The following UNC5D variants were observed in gnomAD, a reference collection of about 807,000 sequenced individuals.
UNC5D encodes netrin receptor UNC5D.
In UNC5D, 39 loss-of-function variants were observed where a neutral mutation model predicts 105.4. The observed-to-expected ratio is 0.37, with a 90% confidence interval of 0.29 to 0.48. The LOEUF is 0.48. Ranked by LOEUF, UNC5D falls within the 20% of genes least tolerant of loss-of-function variation. UNC5D has a pLI of 0.98. For synonymous variants in UNC5D, 452 were observed against 450.4 expected (o/e 1.00, Z -0.04); for missense variants, 991 against 1,202.4 (o/e 0.82, Z 2.60).
intron 1 of UNC5D, among the ~76,000 whole-genome samples, chr8:35,474,946 G>A (rs114716058): frequency 0.017 from 2,554 of 152,236 alleles, 73 homozygotes; most frequent in African/African-American, 0.058. Context: ...GTAGGTGAGT[G>A]AGGTCATTCA....
chr8:35,360,375 C>T (rs1801795460), intron 1 of UNC5D, among the ~76,000 whole-genome samples: 1 of 152,122 alleles, frequency 6.6e-6, no homozygotes, highest in Admixed American at 6.6e-5. Context: ...TCTCTCTATC[C>T]TAAATTTTGT....
chr8:35,393,743 C>CT (rs1030372637), intron 1 of UNC5D, among the ~76,000 whole-genome samples: 17 of 152,254 alleles, frequency 1.1e-4, no homozygotes, highest in Admixed American at 7.2e-4. Flanking sequence ...TCAGAGGAAA[C>CT]TCCCTCCTCC....
intron 1 of UNC5D, among the ~76,000 whole-genome samples, chr8:35,357,737 A>G (rs1391703949): frequency 6.6e-6 from 1 of 152,138 alleles, no homozygotes; most frequent in Non-Finnish European, 1.5e-5. Context: ...ATGAAGAATC[A>G]GTTGTGGGAA....
chr8:35,457,885 A>G (rs1277243617), intron 1 of UNC5D, among the ~76,000 whole-genome samples: 3 of 152,202 alleles, frequency 2.0e-5, no homozygotes, highest in Admixed American at 2.0e-4. Context: ...TTATTAAAAT[A>G]GCACAGTGGT....
Position 35,579,329 on chromosome 8 carries a change from T to G in UNC5D, c.466+11088T>G, listed in dbSNP as rs563268401. ...AACTAAGGTGTAACAGTATCAGGCA[T>G]CCATGGGTAATTATCTAGCATGTTC... is the stretch of plus-strand genomic sequence containing the variant. On this transcript the variant is annotated intron_variant, in intron 3 of 16. Coordinates refer to ENST00000404895, the MANE Select transcript of UNC5D (RefSeq NM_080872.4). 2.0e-5 allele frequency among the ~76,000 whole-genome samples: 3 copies of G among 152,286 alleles called. No individual in the cohort carries two copies. The South Asian group carries it at 6.2e-4, about 32-fold the overall frequency.
chr8:35,687,298 C>T (rs1826074262), intron 7 of UNC5D, among the ~76,000 whole-genome samples: 1 of 151,938 alleles, frequency 6.6e-6, no homozygotes, highest in East Asian at 1.9e-4. Flanking sequence ...AAAAATTAGC[C>T]AGGCGTGGTG....
chr8:35,742,189 T>C (rs1315008453), intron 11 of UNC5D, among the ~76,000 whole-genome samples: 1 of 151,694 alleles, frequency 6.6e-6, no homozygotes, highest in Non-Finnish European at 1.5e-5. Flanking sequence ...GATGATGTCA[T>C]GTCCCTGGGA....
At chr8:35,391,430 T>C (rs1419346049) in intron 1 of UNC5D, among the ~76,000 whole-genome samples, 1 of 152,190 alleles carries the variant, frequency 6.6e-6, no homozygotes, top group African/African-American at 2.4e-5. Flanking sequence ...CAAAAGGGTA[T>C]TCAATTAATG....
intron 8 of UNC5D, among the ~76,000 whole-genome samples, chr8:35,712,896 CT>C (rs1302109069): frequency 6.6e-6 from 1 of 152,096 alleles, no homozygotes; most frequent in Admixed American, 6.6e-5. Context: ...TCTTTTTTTC[CT>C]ATTTTTTGTC....
chr8:35,619,468 CA>C (rs1821222650), intron 4 of UNC5D, among the ~76,000 whole-genome samples: 1 of 152,164 alleles, frequency 6.6e-6, no homozygotes, highest in Non-Finnish European at 1.5e-5. Flanking sequence ...CATTGGATCA[CA>C]AAGTGTCTTG....
intron 1 of UNC5D, chr8:35,256,029 T>C (rs189157152): frequency 2.0e-5 from 3 of 152,344 alleles, no homozygotes; most frequent in Admixed American, 2.0e-4. Flanking sequence ...ATAGCCAAAG[T>C]ACTCATCTCT....
chr8:35,580,876 TATC>T (rs1439542233), intron 3 of UNC5D, among the ~76,000 whole-genome samples: 1 of 152,184 alleles, frequency 6.6e-6, no homozygotes, highest in Non-Finnish European at 1.5e-5. Context: ...GGGAATTTAA[TATC>T]AGCATGAAGA....
rs1804651449 is a variant in UNC5D at position 35,263,827 on chromosome 8, TA to T, written c.103+27943del. Among the ~76,000 whole-genome samples, 5 of 152,244 alleles carry T rather than the reference TA, an allele frequency of 3.3e-5. No homozygotes were observed. In the South Asian group the frequency reaches 8.3e-4, roughly 25 times the overall value. ...TGACAACTGACTTGCCTTGTGGCAATAAAGCAAACTTCTAGCCTCTCACTTT... is the reference window on the plus strand; with the variant it reads ...TGACAACTGACTTGCCTTGTGGCAATAAGCAAACTTCTAGCCTCTCACTTT... On this transcript the variant is annotated intron_variant, in intron 1 of 16. Transcript: ENST00000404895.
intron 4 of UNC5D, among the ~76,000 whole-genome samples, chr8:35,668,517 A>G (rs1317610885): frequency 2.6e-5 from 4 of 151,968 alleles, no homozygotes; most frequent in Non-Finnish European, 5.9e-5. Context: ...ATCCTTCCTC[A>G]TCCTAATATT....
At chr8:35,720,314 G>T (rs973122030) in intron 8 of UNC5D, among the ~76,000 whole-genome samples, 2 of 152,196 alleles carry the variant, frequency 1.3e-5, no homozygotes, top group African/African-American at 4.8e-5. Flanking sequence ...CAAAGGAGCT[G>T]CATTCTGCAC....
rs150565618 is a variant in UNC5D, at chr8:35,379,579, C to T, written c.103+143692C>T. On this transcript the variant is annotated intron_variant, in intron 1 of 16. Transcript: ENST00000404895. Reference sequence around the variant, plus strand: ...TTCCCTGCAGCTTTCTCTGACTTGCCTGGACCGTCCTGCACTAAATTCCAC... The same window carrying T: ...TTCCCTGCAGCTTTCTCTGACTTGCTTGGACCGTCCTGCACTAAATTCCAC... 5.3e-5 allele frequency among the ~76,000 whole-genome samples: 8 copies of T among 152,206 alleles called. No individual in the cohort carries two copies. The East Asian group carries it at 9.7e-4, about 18-fold the overall frequency.
chr8:35,758,352 CT>C (rs57675032), intron 13 of UNC5D, among the ~76,000 whole-genome samples: 11,414 of 151,820 alleles, frequency 0.075, 1,167 homozygotes, highest in African/African-American at 0.23. Flanking sequence ...TTCTAACAGT[CT>C]TTTTTTTAAG....
intron 15 of UNC5D, among the ~76,000 whole-genome samples, chr8:35,770,359 C>T (rs1801956197): frequency 6.6e-6 from 1 of 152,082 alleles, no homozygotes; most frequent in South Asian, 2.1e-4. Context: ...GCATTTGATC[C>T]TTCATGTTCA....
chr8:35,658,563 T>C lies in UNC5D; in HGVS notation c.571-24984T>C, dbSNP rs938566354. Among the ~76,000 whole-genome samples, 14 of 151,678 alleles carry C rather than the reference T, an allele frequency of 9.2e-5. No homozygotes were observed. In the East Asian group the frequency reaches 1.9e-3, roughly 21 times the overall value. ...GTAATAAATGATAGATGTTGCATGA[T>C]GATAAAAAATCAAGAATAGCTGATG... On this transcript the variant is annotated intron_variant, in intron 4 of 16. Coordinates refer to ENST00000404895, the MANE Select transcript of UNC5D (RefSeq NM_080872.4).
Sources: gnomAD v4.1 joint callset for allele counts (sites outside exome capture counted in the v4.1 genomes callset) on GRCh38, gnomAD v4.1.1 for gene constraint, MANE v1.5 for transcripts, NCBI Gene and HGNC (gene_info 2026-07-23, HGNC 2026-07-21) for gene names.